VWA8: variants seen among roughly 807,000 people sequenced by gnomAD.
VWA8 encodes the protein von Willebrand factor A domain-containing protein 8.
A neutral mutation model predicts 241.5 loss-of-function variants in VWA8; 221 were observed. That is an observed-to-expected ratio of 0.91 (90% CI 0.82 to 1.02). The LOEUF is 1.02. Among genes scored for constraint, VWA8 ranks in the 50% least tolerant of loss-of-function variants. The pLI is 0.00. For missense variants in VWA8, 2,322 were observed against 2,328.7 expected (o/e 1.00, Z 0.06); for synonymous variants, 852 against 827.1 (o/e 1.03, Z -0.52).
At chr13:41,845,279 T>C (rs1297076995) in intron 12 of VWA8, among the ~76,000 whole-genome samples, 1 of 152,052 alleles carries the variant, frequency 6.6e-6, no homozygotes, top group Non-Finnish European at 1.5e-5. Context: ...CTATTACCTC[T>C]CACATCAGTT....
rs116084140 is a variant in VWA8 at position 41,926,118 on chromosome 13, C to G, written c.242-13950G>C. The G allele has an allele frequency of 9.3e-4, 518 of 555,228 alleles. 4 individuals carry two copies. The highest frequency in any genetic ancestry group is 9.1e-3 in the African/African-American group (476 of 52,346). The allele number at this position is 555,228 out of a possible 1,614,324, so 34.4% of individuals were successfully genotyped here. The stretch of plus-strand genomic sequence containing the variant: ...AGAATTTATTCATATTAGTAAGAAA[C>G]TGCATCAAGGAGACATAATTGGAGT... On this transcript the variant is annotated intron_variant, in intron 2 of 44. Transcript: ENST00000379310.
intron 38 of VWA8, among the ~76,000 whole-genome samples, chr13:41,612,609 C>T (rs1441996849): frequency 6.6e-6 from 1 of 152,180 alleles, no homozygotes; most frequent in African/African-American, 2.4e-5. Context: ...GAAAAAAACA[C>T]ATCTGTTGGC....
At chr13:41,854,482 T>G (rs1033076916) in intron 12 of VWA8, among the ~76,000 whole-genome samples, 3 of 149,546 alleles carry the variant, frequency 2.0e-5, no homozygotes, top group African/African-American at 7.3e-5. Context: ...ATTTATAAAT[T>G]TATTATATTT....
chr13:41,852,892 T>C (rs1017827007), intron 12 of VWA8, among the ~76,000 whole-genome samples: 1 of 152,164 alleles, frequency 6.6e-6, no homozygotes, highest in Admixed American at 6.5e-5. Flanking sequence ...GTGTGGTGCC[T>C]CAAATGTTGT....
rs969116639 is a variant in VWA8 at position 41,852,199 on chromosome 13, T to C, written c.1425+13537A>G. On this transcript the variant is annotated intron_variant, in intron 12 of 44. Coordinates refer to ENST00000379310, the MANE Select transcript of VWA8 (RefSeq NM_015058.2). Reference sequence around the variant, plus strand: ...GATGAGTGATGTTGACCACTTTTTATATGTACCTGTTGGCCATTTGTATGT... The same window carrying C: ...GATGAGTGATGTTGACCACTTTTTACATGTACCTGTTGGCCATTTGTATGT... 9.2e-5 allele frequency among the ~76,000 whole-genome samples: 14 copies of C among 152,346 alleles called. 1 individual carries two copies. The highest frequency in any genetic ancestry group is 3.4e-4 in the African/African-American group (14 of 41,586).
chr13:41,581,125 G>C lies in VWA8; in HGVS notation c.5272-5287C>G, dbSNP rs890699532. Among the ~76,000 whole-genome samples, 15 of 127,204 alleles carry C rather than the reference G, an allele frequency of 1.2e-4. 1 individual carries two copies. The highest frequency in any genetic ancestry group is 5.1e-4 in the South Asian group (2 of 3,956). The allele number at this position is 127,204 out of a possible 152,430, so 83.5% of individuals were successfully genotyped here. ...ACGCCATTCTCCTGCCTCAGCCTCC[G>C]GAGTAGCTGGGACTACAGGCGCCCG... On this transcript the variant is annotated intron_variant, in intron 42 of 44. Coordinates refer to ENST00000379310, the MANE Select transcript of VWA8 (RefSeq NM_015058.2).
At chr13:41,870,693 AAC>A (rs1873557356) in intron 9 of VWA8, among the ~76,000 whole-genome samples, 1 of 152,104 alleles carries the variant, frequency 6.6e-6, no homozygotes, top group Non-Finnish European at 1.5e-5. Flanking sequence ...ATTCTAGGAA[AAC>A]AAATAAATGA....
At chr13:41,692,671 T>G (rs1593700516) in intron 30 of VWA8, among the ~76,000 whole-genome samples, 191 bp downstream of exon 30, 1 of 152,092 alleles carries the variant, frequency 6.6e-6, no homozygotes, top group Non-Finnish European at 1.5e-5. Flanking sequence ...TAAAAAGAAT[T>G]TATTGATATT....
At position 41,778,832 on chromosome 13, in the gene VWA8, CTTTTTTTTTTTTTT is replaced by C. The variant is rs71096543; in HGVS notation, c.2278-790_2278-777del. On this transcript the variant is annotated intron_variant, in intron 19 of 44. Transcript: ENST00000379310. Reference sequence around the variant, plus strand: ...CTGCAGATATTTTTCCAGTACGTCACTTTTTTTTTTTTTTTTTTTTTTTTTTTGAGGCGGAGTCT... The same window carrying C: ...CTGCAGATATTTTTCCAGTACGTCACTTTTTTTTTTTTTGAGGCGGAGTCT... Among the ~76,000 whole-genome samples, 11 of 82,674 alleles carry C rather than the reference CTTTTTTTTTTTTTT, an allele frequency of 1.3e-4. 1 individual carries two copies. In the East Asian group the frequency reaches 2.1e-3, roughly 16 times the overall value. 54.2% of individuals were successfully genotyped at this position (82,674 alleles called of 152,430 possible).
intron 17 of VWA8, among the ~76,000 whole-genome samples, chr13:41,793,866 C>T (rs1818372439): frequency 6.6e-6 from 1 of 152,142 alleles, no homozygotes; most frequent in African/African-American, 2.4e-5. Flanking sequence ...TGTGGCTAGC[C>T]AGTTCTCCCA....
rs138374308 is a variant in VWA8 at position 41,702,927 on chromosome 13, T to C, written c.3225+376A>G. On this transcript the variant is annotated intron_variant, in intron 27 of 44. Transcript: ENST00000379310. ...TTGAAATACCTAGAGGGACTTCTAT[T>C]ACAACTAGTAACGGACAGTTCTTTA... 3.9e-5 allele frequency among the ~76,000 whole-genome samples: 6 copies of C among 152,324 alleles called. No homozygotes were observed. The East Asian group carries it at 1.2e-3, about 29-fold the overall frequency.
chr13:41,822,264 A>G (rs1870990655), intron 14 of VWA8, among the ~76,000 whole-genome samples: 1 of 152,178 alleles, frequency 6.6e-6, no homozygotes. Context: ...GAATTTGTAC[A>G]TTGGGGAACT....
At chr13:41,723,603 C>A (rs914684411) in intron 24 of VWA8, among the ~76,000 whole-genome samples, 1 of 151,818 alleles carries the variant, frequency 6.6e-6, no homozygotes, top group Non-Finnish European at 1.5e-5. Context: ...GAATATATTT[C>A]GAGGGTATAG....
chr13:41,729,406 TGTC>T (rs948756471), intron 23 of VWA8, 133 bp downstream of exon 23: 1 of 827,656 alleles, frequency 1.2e-6, no homozygotes, highest in Non-Finnish European at 1.8e-6. Flanking sequence ...TATAAATGAT[TGTC>T]AATACAGGCA....
At chr13:41,713,118 G>A (rs1376419513) in intron 26 of VWA8, among the ~76,000 whole-genome samples, 3 of 152,234 alleles carry the variant, frequency 2.0e-5, no homozygotes, top group Non-Finnish European at 4.4e-5. Flanking sequence ...AGTAGGCACT[G>A]CTGTGTGGTA....
intron 21 of VWA8, among the ~76,000 whole-genome samples, chr13:41,747,368 T>C (rs2045616224): frequency 6.6e-6 from 1 of 152,218 alleles, no homozygotes; most frequent in Non-Finnish European, 1.5e-5. Flanking sequence ...CAACTGTGAA[T>C]GGGAGTTCTC....
rs267603826 is a variant in VWA8, at chr13:41,721,413, G to C, written c.2921C>G (p.Pro974Arg). Residue 974 changes from proline (P) to arginine (R), a missense_variant, in exon 25 of 45, where the codon CCT (proline) becomes CGT (arginine). By Grantham distance (103) the Pro-to-Arg change is moderately radical. Coordinates refer to ENST00000379310, the MANE Select transcript of VWA8 (RefSeq NM_015058.2). ...GTTGACAACTTCTCTGGTAGAATAAGGATAGTTAATAATCCCTTGGTCAGC... is the reference window on the plus strand; with the variant it reads ...GTTGACAACTTCTCTGGTAGAATAACGATAGTTAATAATCCCTTGGTCAGC... ...SLADQGIINY[P>R]YSTREVVNIV... The C allele has an allele frequency of 6.2e-7, 1 of 1,613,804 alleles. No individual in the cohort carries two copies. Among genetic ancestry groups the C allele is most frequent in the Non-Finnish European group, 8.5e-7 (1 of 1,179,802 alleles).
In VWA8 at chr13:41,761,174, A is replaced by G; in HGVS notation, c.2380T>C (p.Phe794Leu). Residue 794 changes from phenylalanine to leucine, a missense_variant, in exon 21 of 45, where the codon TTC (phenylalanine) becomes CTC (leucine). Transcript: ENST00000379310. ...CGGGGTCTGTTGAGCAGGTGAAGGA[A>G]TCTGTCAACAATCTTGTTTTTTCCT... ...GVGKNKIVDR[F>L]LHLLNRPREY... The G allele has an allele frequency of 3.7e-6, 6 of 1,611,764 alleles. No individual in the cohort carries two copies. The highest frequency in any genetic ancestry group is 5.1e-6 in the Non-Finnish European group (6 of 1,178,490).
intron 37 of VWA8, among the ~76,000 whole-genome samples, chr13:41,654,939 T>A (rs566470040): frequency 1.1e-4 from 17 of 152,296 alleles, no homozygotes; most frequent in Admixed American, 8.5e-4. Flanking sequence ...TGCAATTGCT[T>A]CCTTTTTCTA....
Sources: allele counts gnomAD v4.1 joint callset (sites outside exome capture counted in the v4.1 genomes callset), GRCh38; gene constraint gnomAD v4.1.1; transcripts MANE v1.5; gene names NCBI Gene and HGNC (gene_info 2026-07-23, HGNC 2026-07-21).